SCHIP1: variants seen among roughly 807,000 people sequenced by gnomAD.
The protein encoded by SCHIP1 is schwannomin interacting protein 1.
In SCHIP1, 8 loss-of-function variants were observed where a neutral mutation model predicts 29.7. The ratio of observed to expected loss-of-function variants is 0.27; its 90% CI spans 0.16 to 0.49. The LOEUF (loss-of-function observed/expected upper bound fraction) is 0.49, where lower values mean the gene tolerates loss of function less well. SCHIP1 is among the 20% of genes least tolerant of loss of function. The probability of loss-of-function intolerance (pLI) is 0.99; values close to 1 mark genes in which losing one functional copy is unlikely to be tolerated. For synonymous variants in SCHIP1, 76 were observed against 94.9 expected, an observed-to-expected ratio of 0.80 and a Z score of 1.16; for missense variants, 193 against 294.6, an observed-to-expected ratio of 0.66 and a Z score of 2.52.
At chr3:159,353,083 C>G in the SCHIP1 span, among the ~76,000 whole-genome samples, 1 of 152,036 alleles carries the variant, frequency 6.6e-6, no homozygotes, top group Admixed American at 6.6e-5. Context: ...GCATTCCAAG[C>G]CAATACTTCC....
At chr3:159,743,095 C>T in the SCHIP1 span, among the ~76,000 whole-genome samples, 1 of 152,124 alleles carries the variant, frequency 6.6e-6, no homozygotes, top group African/African-American at 2.4e-5. Context: ...AGCTAATATT[C>T]TCCTGCCTTT....
the SCHIP1 span, among the ~76,000 whole-genome samples, chr3:159,828,207 A>G: frequency 6.6e-6 from 1 of 151,568 alleles, no homozygotes; most frequent in Non-Finnish European, 1.5e-5. Context: ...AGAGGCTGAC[A>G]GCTATGAAGC....
At chr3:159,502,698 G>A in the SCHIP1 span, among the ~76,000 whole-genome samples, 2 of 149,358 alleles carry the variant, frequency 1.3e-5, no homozygotes, top group Non-Finnish European at 3.0e-5. Context: ...CTGTGTCCAT[G>A]TGTTCTCATT....
At chr3:159,728,630 A>G in the SCHIP1 span, among the ~76,000 whole-genome samples, 1 of 152,208 alleles carries the variant, frequency 6.6e-6, no homozygotes, top group Non-Finnish European at 1.5e-5. Flanking sequence ...GGGATGGGTT[A>G]CCTGCAGTGG....
chr3:159,449,314 CAAG>C, the SCHIP1 span, among the ~76,000 whole-genome samples: 6 of 151,938 alleles, frequency 3.9e-5, no homozygotes, highest in African/African-American at 4.8e-5. Context: ...GCAGCAAAAT[CAAG>C]AAGGAGACAT....
At chr3:159,520,107 A>C in the SCHIP1 span, among the ~76,000 whole-genome samples, 2 of 151,402 alleles carry the variant, frequency 1.3e-5, no homozygotes, top group East Asian at 1.9e-4. Flanking sequence ...AAAAAAAAAA[A>C]AAAAAAAACT....
chr3:159,432,982 G>C, the SCHIP1 span, among the ~76,000 whole-genome samples: 2 of 152,130 alleles, frequency 1.3e-5, no homozygotes, highest in Non-Finnish European at 2.9e-5. Flanking sequence ...GGCAGCCCTT[G>C]TAAAGTAAAA....
the SCHIP1 span, among the ~76,000 whole-genome samples, chr3:159,277,845 G>T: frequency 6.6e-6 from 1 of 151,978 alleles, no homozygotes; most frequent in Admixed American, 6.6e-5. Context: ...AACCCACTGG[G>T]TGGAGGTTGC....
chr3:159,345,163 G>T, the SCHIP1 span, among the ~76,000 whole-genome samples: 2 of 148,136 alleles, frequency 1.4e-5, no homozygotes, highest in African/African-American at 5.0e-5. Context: ...GGAGGGAGAG[G>T]TTGCAGTGAG....
chr3:159,311,227 G>A, the SCHIP1 span, among the ~76,000 whole-genome samples: 1 of 152,088 alleles, frequency 6.6e-6, no homozygotes, highest in Non-Finnish European at 1.5e-5. Context: ...GGTTTAAAGT[G>A]ATTTCTTAAA....
the SCHIP1 span, among the ~76,000 whole-genome samples, chr3:159,476,008 C>T: frequency 3.3e-5 from 5 of 152,160 alleles, no homozygotes; most frequent in Non-Finnish European, 7.3e-5. Context: ...AACCAGGGAT[C>T]TGTACCTCGA....
At chr3:159,765,115 C>T in the SCHIP1 span, 1 of 1,568,254 alleles carries the variant, frequency 6.4e-7, no homozygotes, top group East Asian at 2.4e-5. Flanking sequence ...GAACCAGGGC[C>T]AGGCGAGGAC....
the SCHIP1 span, among the ~76,000 whole-genome samples, chr3:159,463,739 G>GATAT: frequency 9.4e-6 from 1 of 105,888 alleles, no homozygotes; most frequent in Non-Finnish European, 1.9e-5. Flanking sequence ...AGAACAGAAT[G>GATAT]AGATATATAT....
chr3:159,895,165 T>C (rs950836334), intron 6 of SCHIP1, among the ~76,000 whole-genome samples: 1 of 152,226 alleles, frequency 6.6e-6, no homozygotes, highest in African/African-American at 2.4e-5. Context: ...TAAGATGGTC[T>C]GCTAAAGGGG....
At chr3:159,870,687 T>C (rs1715162134) in intron 2 of SCHIP1, among the ~76,000 whole-genome samples, 1 of 151,964 alleles carries the variant, frequency 6.6e-6, no homozygotes, top group Non-Finnish European at 1.5e-5. Context: ...TAAATAAAAT[T>C]CATATTTTAT....
At chr3:159,306,522 C>T in the SCHIP1 span, 1 of 494,516 alleles carries the variant, frequency 2.0e-6, no homozygotes, top group Admixed American at 6.4e-5. Context: ...GATTAACTGG[C>T]CAAGGTCATG....
chr3:159,652,155 A>G, the SCHIP1 span, among the ~76,000 whole-genome samples: 5 of 152,202 alleles, frequency 3.3e-5, no homozygotes, highest in African/African-American at 9.6e-5. Flanking sequence ...GCTCATGTTT[A>G]TGGTCTATAA....
chr3:159,630,790 G>GC, the SCHIP1 span, among the ~76,000 whole-genome samples: 1 of 152,088 alleles, frequency 6.6e-6, no homozygotes, highest in African/African-American at 2.4e-5. Context: ...GGCGATGGGT[G>GC]CACCAAAATC....
At chr3:159,315,927 G>A in the SCHIP1 span, among the ~76,000 whole-genome samples, 1 of 135,862 alleles carries the variant, frequency 7.4e-6, no homozygotes, top group African/African-American at 2.5e-5. Flanking sequence ...TTTTGTCGGG[G>A]AGGGGGTAGG....
Sources: gnomAD v4.1 joint callset for allele counts (sites outside exome capture counted in the v4.1 genomes callset) on GRCh38, gnomAD v4.1.1 for gene constraint, MANE v1.5 for transcripts, NCBI Gene and HGNC (gene_info 2026-07-23, HGNC 2026-07-21) for gene names.